OCA2: variants seen among roughly 807,000 people sequenced by gnomAD.
OCA2 encodes the protein P protein.
In OCA2, 77 loss-of-function variants were observed where a neutral mutation model predicts 100.2. That is an observed-to-expected ratio of 0.77 (90% CI 0.64 to 0.93). OCA2 has a LOEUF of 0.93. OCA2 is among the 40% of genes least tolerant of loss of function. The pLI is 0.00. For missense variants in OCA2, 1,062 were observed against 1,089.1 expected (o/e 0.98, Z 0.35); for synonymous variants, 432 against 439.2 (o/e 0.98, Z 0.21).
chr15:28,004,248 C>T (rs1033495408), intron 9 of OCA2, among the ~76,000 whole-genome samples: 1 of 147,996 alleles, frequency 6.8e-6, no homozygotes, highest in Non-Finnish European at 1.5e-5. Flanking sequence ...TCCCCTGCGG[C>T]TCCGCCCCCT....
chr15:28,083,762 A>G (rs1317027664), intron 1 of OCA2, among the ~76,000 whole-genome samples: 1 of 152,216 alleles, frequency 6.6e-6, no homozygotes, highest in African/African-American at 2.4e-5. Context: ...TATGGAAGAA[A>G]GGAGAAAACT....
intron 18 of OCA2, among the ~76,000 whole-genome samples, chr15:27,935,190 A>G (rs1203878980): frequency 1.3e-5 from 2 of 152,224 alleles, no homozygotes; most frequent in African/African-American, 4.8e-5. Flanking sequence ...CTTTTCCTAA[A>G]AATTAAAAAT....
intron 19 of OCA2, among the ~76,000 whole-genome samples, chr15:27,880,053 T>A (rs1319723877): frequency 1.3e-5 from 2 of 152,220 alleles, no homozygotes; most frequent in Non-Finnish European, 2.9e-5. Context: ...AGGGTTCAGT[T>A]TCAATTTTCT....
chr15:27,804,617 A>C (rs990360615), intron 23 of OCA2, among the ~76,000 whole-genome samples: 1 of 152,260 alleles, frequency 6.6e-6, no homozygotes, highest in Admixed American at 6.5e-5. Context: ...AAATAAAAAC[A>C]TAAAATGCTA....
At chr15:27,900,689 C>T (rs892011073) in intron 19 of OCA2, among the ~76,000 whole-genome samples, 13 of 152,212 alleles carry the variant, frequency 8.5e-5, no homozygotes, top group African/African-American at 2.7e-4. Flanking sequence ...AGTCCCTCTA[C>T]TGTCCAAGAT....
chr15:28,082,358 T>C (rs1208920552), intron 1 of OCA2, among the ~76,000 whole-genome samples: 1 of 152,208 alleles, frequency 6.6e-6, no homozygotes, highest in African/African-American at 2.4e-5. Flanking sequence ...ACAGTAAATC[T>C]TGCTGCTGCT....
rs566499394 is a variant in OCA2, at chr15:28,078,972, G to A, written c.227+2676C>T. On this transcript the variant is annotated intron_variant, in intron 2 of 23. Transcript: ENST00000354638. ...GCACCTGAGCTGCCTGGGAGCCAAAGGAAAAAGGGGACACGGCAGGCTACA... is the reference window on the plus strand; with the variant it reads ...GCACCTGAGCTGCCTGGGAGCCAAAAGAAAAAGGGGACACGGCAGGCTACA... Among the ~76,000 whole-genome samples the A allele has an allele frequency of 5.3e-5, 8 of 152,266 alleles. 1 individual carries two copies. In the South Asian group the frequency reaches 1.7e-3, roughly 32 times the overall value.
chr15:28,023,999 C>A (rs985167622), intron 5 of OCA2, among the ~76,000 whole-genome samples: 22 of 152,218 alleles, frequency 1.4e-4, no homozygotes, highest in Non-Finnish European at 2.8e-4. Flanking sequence ...GGAGACCACA[C>A]ACCCACTCAT....
At chr15:27,778,808 T>C (rs2032386717) in intron 23 of OCA2, among the ~76,000 whole-genome samples, 1 of 152,216 alleles carries the variant, frequency 6.6e-6, no homozygotes, top group East Asian at 1.9e-4. Flanking sequence ...AGATTAGACT[T>C]TCTACGTTGA....
At chr15:27,806,399 G>C (rs916337065) in intron 23 of OCA2, among the ~76,000 whole-genome samples, 52 of 152,256 alleles carry the variant, frequency 3.4e-4, no homozygotes, top group African/African-American at 1.3e-3. Context: ...CTACCGGAAA[G>C]GAACGTACTG....
At chr15:28,077,055 A>C (rs533450656) in intron 2 of OCA2, among the ~76,000 whole-genome samples, 46 of 151,520 alleles carry the variant, frequency 3.0e-4, no homozygotes, top group Admixed American at 7.9e-4. Context: ...CTCTGTGCTT[A>C]ATTTGTTTTT....
At chr15:27,763,163 T>C (rs1595367742) in intron 23 of OCA2, among the ~76,000 whole-genome samples, 1 of 152,096 alleles carries the variant, frequency 6.6e-6, no homozygotes, top group Non-Finnish European at 1.5e-5. Flanking sequence ...AATGTAAAAC[T>C]ACAAAACATT....
At chr15:28,011,873 G>A (rs1339111106) in intron 9 of OCA2, among the ~76,000 whole-genome samples, 5 of 146,896 alleles carry the variant, frequency 3.4e-5, no homozygotes, top group Non-Finnish European at 5.9e-5. Context: ...GCCGAGATTG[G>A]ACCATTGCAC....
intron 19 of OCA2, among the ~76,000 whole-genome samples, chr15:27,878,476 G>A (rs1249001186): frequency 6.6e-6 from 1 of 152,076 alleles, no homozygotes; most frequent in African/African-American, 2.4e-5. Flanking sequence ...TTATTTTGCT[G>A]GATAGAGAAT....
intron 9 of OCA2, among the ~76,000 whole-genome samples, chr15:27,991,168 T>C (rs1258677719): frequency 2.6e-5 from 4 of 152,208 alleles, no homozygotes; most frequent in South Asian, 2.1e-4. Flanking sequence ...ATGTGGAGAA[T>C]TGGAGCCCTC....
chr15:27,732,622 T>C, the OCA2 span, among the ~76,000 whole-genome samples: 16 of 152,272 alleles, frequency 1.1e-4, no homozygotes, highest in African/African-American at 3.8e-4. Context: ...TGTCTGTCCT[T>C]GCTGCTGTAT....
At chr15:27,825,438 C>T (rs764254118) in intron 23 of OCA2, among the ~76,000 whole-genome samples, 1 of 152,164 alleles carries the variant, frequency 6.6e-6, no homozygotes, top group Non-Finnish European at 1.5e-5. Context: ...TCCTGAAAGT[C>T]TTCAGGACTG....
chr15:28,001,270 CACACACACAT>C (rs773849850), intron 9 of OCA2, among the ~76,000 whole-genome samples: 16 of 151,944 alleles, frequency 1.1e-4, no homozygotes, highest in Non-Finnish European at 1.9e-4. Context: ...CACACACACA[CACACACACAT>C]ACACACACAA....
rs930115400 is a variant in OCA2, at chr15:27,957,834, C to A, written c.1637-99G>T. The A allele has an allele frequency of 2.8e-6, 4 of 1,436,318 alleles. No homozygotes were observed. Among genetic ancestry groups the A allele is most frequent in the African/African-American group, 2.8e-5 (2 of 71,504 alleles). The allele number at this position is 1,436,318 out of a possible 1,614,324, so 89.0% of individuals were successfully genotyped here. ...CACAGTCGATGCCTGACAGAGCAGACACACACTCGAGACGTGCAGGTAGCC... is the reference window on the plus strand; with the variant it reads ...CACAGTCGATGCCTGACAGAGCAGAAACACACTCGAGACGTGCAGGTAGCC... On this transcript the variant is annotated intron_variant, in intron 15 of 23. Coordinates refer to ENST00000354638, the MANE Select transcript of OCA2 (RefSeq NM_000275.3). This position sits in a 1 kb window ranked among gnomAD's most constrained non-coding sequence, Gnocchi z 4.3.
Sources: gnomAD v4.1 joint callset for allele counts (sites outside exome capture counted in the v4.1 genomes callset) on GRCh38, gnomAD v4.1.1 for gene constraint, Gnocchi (gnomAD v3.1) non-coding constraint, MANE v1.5 for transcripts, NCBI Gene and HGNC (gene_info 2026-07-23, HGNC 2026-07-21) for gene names.